The following MAGI1 variants were observed in gnomAD, a reference collection of about 807,000 sequenced individuals.
MAGI1 encodes membrane associated guanylate kinase, WW and PDZ domain containing 1, also known as membrane-associated guanylate kinase, WW and PDZ domain-containing protein 1.
MAGI1 carries 58 observed loss-of-function variants against 139.9 expected under a neutral mutation model. The ratio of observed to expected loss-of-function variants is 0.41; its 90% confidence interval spans 0.34 to 0.52. MAGI1 has a LOEUF of 0.52. Among genes scored for constraint, MAGI1 ranks in the 20% least tolerant of loss-of-function variants. The pLI is 0.12. For missense variants in MAGI1, 1,874 were observed against 1,901.6 expected, an observed-to-expected ratio of 0.99 and a Z score of 0.27; for synonymous variants, 812 against 737.9, an observed-to-expected ratio of 1.10 and a Z score of -1.63.
intron 1 of MAGI1, among the ~76,000 whole-genome samples, chr3:65,632,267 A>T (rs2084359695): frequency 6.6e-6 from 1 of 152,226 alleles, no homozygotes; most frequent in Non-Finnish European, 1.5e-5. Context: ...TACAGTGTCA[A>T]AATGAGACTA....
intron 3 of MAGI1, among the ~76,000 whole-genome samples, chr3:65,491,363 T>C (rs560147010): frequency 6.6e-6 from 1 of 152,270 alleles, no homozygotes; most frequent in South Asian, 2.1e-4. Flanking sequence ...CACCTATATA[T>C]CATTTGTTCC....
rs368126871 is a variant in MAGI1 at position 65,506,806 on chromosome 3, CTA to C, written c.431-13177_431-13176del. On this transcript the variant is annotated intron_variant, in intron 2 of 22. Transcript: ENST00000402939. The stretch of plus-strand genomic sequence containing the variant: ...TATTTATTGAGCAAATATTATATAA[CTA>C]GATATAAAACGAGAAATAAATTTGT... Among the ~76,000 whole-genome samples, 555 of 152,082 alleles carry C rather than the reference CTA, an allele frequency of 3.6e-3. 2 individuals are homozygous for C. The highest frequency in any genetic ancestry group is 0.012 in the African/African-American group (506 of 41,478).
At chr3:65,696,786 C>T (rs564129290) in intron 1 of MAGI1, among the ~76,000 whole-genome samples, 2 of 152,248 alleles carry the variant, frequency 1.3e-5, no homozygotes, top group African/African-American at 2.4e-5. Flanking sequence ...CAAACCCTTA[C>T]AAATTTTCCC....
intron 2 of MAGI1, among the ~76,000 whole-genome samples, chr3:65,527,812 G>A (rs1297221997): frequency 6.6e-6 from 1 of 151,902 alleles, no homozygotes. Flanking sequence ...CTACTCAGGA[G>A]GCTGAGGTAG....
At chr3:65,401,580 G>T (rs1358082876) in intron 12 of MAGI1, 110 bp from the exon 13 acceptor site, 1 of 1,554,020 alleles carries the variant, frequency 6.4e-7, no homozygotes, top group Non-Finnish European at 8.7e-7. Flanking sequence ...CTAGCCATCT[G>T]CAGAGTTATG....
intron 1 of MAGI1, among the ~76,000 whole-genome samples, chr3:66,015,746 G>C (rs561224631): frequency 1.6e-4 from 24 of 152,226 alleles, no homozygotes; most frequent in Non-Finnish European, 3.2e-4. Flanking sequence ...TCAACAGAAA[G>C]AAAAATTGAC....
At chr3:65,918,978 G>T (rs934315780) in intron 1 of MAGI1, among the ~76,000 whole-genome samples, 2 of 151,802 alleles carry the variant, frequency 1.3e-5, no homozygotes, top group African/African-American at 4.8e-5. Flanking sequence ...TAGCCAAAAG[G>T]GTATAAAATT....
At chr3:65,669,435 A>T (rs902762492) in intron 1 of MAGI1, among the ~76,000 whole-genome samples, 4 of 152,140 alleles carry the variant, frequency 2.6e-5, no homozygotes, top group Admixed American at 6.5e-5. Context: ...GCTTTGATTA[A>T]CTTTCTCAAA....
At chr3:65,508,752 T>C (rs978356024) in intron 2 of MAGI1, among the ~76,000 whole-genome samples, 1 of 152,104 alleles carries the variant, frequency 6.6e-6, no homozygotes, top group African/African-American at 2.4e-5. Flanking sequence ...TTGTGACATA[T>C]AAATAACAAA....
At chr3:65,949,940 T>A (rs1218942486) in intron 1 of MAGI1, among the ~76,000 whole-genome samples, 1 of 150,820 alleles carries the variant, frequency 6.6e-6, no homozygotes, top group Non-Finnish European at 1.5e-5. Context: ...TCCCAGCTAC[T>A]CAGGAGGCTG....
intron 1 of MAGI1, among the ~76,000 whole-genome samples, chr3:65,982,071 C>G (rs532473073): frequency 1.0e-3 from 153 of 152,336 alleles, no homozygotes; most frequent in South Asian, 2.7e-3. Flanking sequence ...GGGTTGGAGA[C>G]TTTCACTATG....
At chr3:65,849,177 C>T (rs1321961272) in intron 1 of MAGI1, among the ~76,000 whole-genome samples, 1 of 151,390 alleles carries the variant, frequency 6.6e-6, no homozygotes, top group Non-Finnish European at 1.5e-5. Flanking sequence ...GCATGTGCCA[C>T]CACGCCTGAC....
chr3:66,017,908 CAAT>C (rs2107535708), intron 1 of MAGI1, among the ~76,000 whole-genome samples: 1 of 152,138 alleles, frequency 6.6e-6, no homozygotes, highest in African/African-American at 2.4e-5. Flanking sequence ...AATAGTTAAA[CAAT>C]GAGAATGCTG....
intron 1 of MAGI1, among the ~76,000 whole-genome samples, chr3:65,732,073 TCAATTTAG>T: frequency 6.6e-6 from 1 of 152,346 alleles, no homozygotes; most frequent in South Asian, 2.1e-4. Context: ...CATTCACGTA[TCAATTTAG>T]CAAATTAGCC....
intron 1 of MAGI1, among the ~76,000 whole-genome samples, chr3:65,624,287 A>G (rs1463486250): frequency 6.6e-6 from 1 of 152,110 alleles, no homozygotes; most frequent in Non-Finnish European, 1.5e-5. Flanking sequence ...ACAGAAATGA[A>G]AACAAGTCCA....
At chr3:65,984,512 ATGTGTGTGTGTGTGTGTGTGTGTGTG>A (rs34046056) in intron 1 of MAGI1, among the ~76,000 whole-genome samples, 1 of 140,394 alleles carries the variant, frequency 7.1e-6, no homozygotes, top group Non-Finnish European at 1.5e-5. Context: ...TCAAAATAAA[ATGTGTGTGTGTGTGTGTGTGTGTGTG>A]TGTGTGTGTG....
chr3:65,711,336 C>T (rs9849259), intron 1 of MAGI1, among the ~76,000 whole-genome samples: 51,016 of 152,062 alleles, frequency 0.34, 9,352 homozygotes, highest in African/African-American at 0.43. Flanking sequence ...TTTCTTTGAA[C>T]AGGCTTCAGA....
chr3:65,731,379 A>T lies in MAGI1; in HGVS notation c.314-109291T>A, dbSNP rs532755043. ...CATTTAAGGAAATCTATGACCAGGC[A>T]TGATGGCTCACACCTATAATTCCAG... On this transcript the variant is annotated intron_variant, in intron 1 of 22. Transcript: ENST00000402939. Among the ~76,000 whole-genome samples the T allele has an allele frequency of 3.9e-5, 6 of 152,226 alleles. No individual in the cohort carries two copies. In the East Asian group the frequency reaches 1.2e-3, roughly 29 times the overall value.
chr3:65,450,735 G>A (rs1030083988), intron 6 of MAGI1, among the ~76,000 whole-genome samples: 1 of 152,028 alleles, frequency 6.6e-6, no homozygotes, highest in Non-Finnish European at 1.5e-5. Flanking sequence ...TCTCAAACCA[G>A]TTTCTCGATT....
Sources: allele counts gnomAD v4.1 joint callset (sites outside exome capture counted in the v4.1 genomes callset), GRCh38; gene constraint gnomAD v4.1.1; transcripts MANE v1.5; gene names NCBI Gene and HGNC (gene_info 2026-07-23, HGNC 2026-07-21).